TNKS: variants seen among roughly 807,000 people sequenced by gnomAD.
TNKS encodes tankyrase, also known as poly [ADP-ribose] polymerase tankyrase-1.
In TNKS, 72 loss-of-function variants were observed where a neutral mutation model predicts 135.8. That is an observed-to-expected ratio of 0.53 (90% CI 0.44 to 0.64). TNKS has a LOEUF of 0.64. Ranked by LOEUF, TNKS falls within the 30% of genes least tolerant of loss-of-function variation. The pLI is 0.00. For synonymous variants in TNKS, 849 were observed against 649.3 expected, an observed-to-expected ratio of 1.31 and a Z score of -4.68; for missense variants, 1,769 against 1,674.0, an observed-to-expected ratio of 1.06 and a Z score of -0.99.
intron 3 of TNKS, among the ~76,000 whole-genome samples, chr8:9,659,192 CA>C (rs1325569719): frequency 6.6e-6 from 1 of 152,166 alleles, no homozygotes; most frequent in Non-Finnish European, 1.5e-5. Context: ...AGAAAGTTAA[CA>C]AAGATATCCA....
In TNKS at chr8:9,759,770, C is replaced by T. The variant is rs551412406; in HGVS notation, c.3154-1746C>T. Reference sequence around the variant, plus strand: ...CGGGCAGATCACGAGGTCAGGAGATCGAGACCATCCTGGCTAACACGGTGA... The same window carrying T: ...CGGGCAGATCACGAGGTCAGGAGATTGAGACCATCCTGGCTAACACGGTGA... On this transcript the variant is annotated intron_variant, in intron 20 of 26. Coordinates refer to ENST00000310430, the MANE Select transcript of TNKS (RefSeq NM_003747.3). Among the ~76,000 whole-genome samples the T allele has an allele frequency of 1.0e-3, 155 of 151,898 alleles. 1 individual carries two copies. The highest frequency in any genetic ancestry group is 2.8e-3 in the African/African-American group (115 of 41,440).
intron 3 of TNKS, among the ~76,000 whole-genome samples, chr8:9,629,441 A>C (rs757980718): frequency 6.6e-6 from 1 of 152,170 alleles, no homozygotes; most frequent in Non-Finnish European, 1.5e-5. Flanking sequence ...AAATCTTTTC[A>C]CTTGGAAAAA....
intron 1 of TNKS, among the ~76,000 whole-genome samples, chr8:9,560,988 G>A (rs1307172267): frequency 1.3e-5 from 2 of 152,100 alleles, no homozygotes; most frequent in Non-Finnish European, 2.9e-5. Context: ...AAGATGATAT[G>A]TAAATTTATT....
chr8:9,586,722 C>CGTGTGTGTGTGTGTGTGTGAGT (rs1798391889), intron 2 of TNKS, among the ~76,000 whole-genome samples: 2 of 143,298 alleles, frequency 1.4e-5, no homozygotes, highest in African/African-American at 5.1e-5. Flanking sequence ...ATATCTAAAA[C>CGTGTGTGTGTGTGTGTGTGAGT]GTGTGTGTGT....
chr8:9,627,079 G>A (rs1800085287), intron 3 of TNKS, among the ~76,000 whole-genome samples: 1 of 152,134 alleles, frequency 6.6e-6, no homozygotes, highest in Non-Finnish European at 1.5e-5. Context: ...CCAGTGGCCA[G>A]TAGTTTAATC....
At chr8:9,579,951 C>T (rs554114738) in intron 1 of TNKS, among the ~76,000 whole-genome samples, 2 of 152,192 alleles carry the variant, frequency 1.3e-5, no homozygotes, top group South Asian at 2.1e-4. Context: ...GAATGAACAG[C>T]CCAAAGACTA....
At chr8:9,689,976 G>A (rs1309279434) in intron 5 of TNKS, among the ~76,000 whole-genome samples, 1 of 152,172 alleles carries the variant, frequency 6.6e-6, no homozygotes, top group African/African-American at 2.4e-5. Flanking sequence ...GAAAATATTA[G>A]TTACAAAAAG....
At position 9,776,673 on chromosome 8, in the gene TNKS, T is replaced by C; in HGVS notation, c.3921T>C (p.Thr1307=). ...AGGCATACCCAGAGTATCTTATCAC[T>C]TACCAGATCATGAAGCCAGAAGCCC... ...GEQAYPEYLI[T]YQIMKPEAPS... is the part of the protein sequence containing the mutation. The change falls in exon 27 of 27, where the codon ACT becomes ACC. Residue 1307 remains threonine (T), a synonymous_variant. Transcript: ENST00000310430. 6.2e-7 allele frequency: 1 copy of C among 1,614,004 alleles called. No homozygotes were observed. The highest frequency in any genetic ancestry group is 1.1e-5 in the South Asian group (1 of 91,076).
Position 9,580,533 on chromosome 8 carries a change from A to T in TNKS, c.898+150A>T, listed in dbSNP as rs575667979. The T allele has an allele frequency of 8.2e-5, 59 of 718,586 alleles. 1 individual carries two copies. Among genetic ancestry groups the T allele is most frequent in the Middle Eastern group, 7.7e-4 (2 of 2,584 alleles). 44.5% of individuals were successfully genotyped at this position (718,586 alleles called of 1,614,324 possible). ...TTTCCATCAAAAGGTAAACAGAGAGATGGTAATCTAAAGTTACTTAGGGGA... is the reference window on the plus strand; with the variant it reads ...TTTCCATCAAAAGGTAAACAGAGAGTTGGTAATCTAAAGTTACTTAGGGGA... On this transcript the variant is annotated intron_variant, in intron 2 of 26. Coordinates refer to ENST00000310430, the MANE Select transcript of TNKS (RefSeq NM_003747.3).
intron 3 of TNKS, among the ~76,000 whole-genome samples, chr8:9,637,105 A>G (rs1800541773): frequency 6.6e-6 from 1 of 152,208 alleles, no homozygotes; most frequent in Admixed American, 6.5e-5. Context: ...GAAACTGCAT[A>G]ATTATCTCAA....
At chr8:9,687,744 C>A (rs1028683229) in intron 5 of TNKS, among the ~76,000 whole-genome samples, 1 of 152,294 alleles carries the variant, frequency 6.6e-6, no homozygotes, top group African/African-American at 2.4e-5. Flanking sequence ...GCACAAGTTT[C>A]CTGCTGTTTT....
intron 18 of TNKS, among the ~76,000 whole-genome samples, chr8:9,749,490 C>A (rs890826900): frequency 1.4e-5 from 2 of 146,584 alleles, no homozygotes; most frequent in Non-Finnish European, 3.0e-5. Flanking sequence ...TTTTTTCCCC[C>A]TTAAGACACA....
At chr8:9,773,514 T>C (rs1486617448) in intron 26 of TNKS, among the ~76,000 whole-genome samples, 1 of 152,156 alleles carries the variant, frequency 6.6e-6, no homozygotes, top group Non-Finnish European at 1.5e-5. Context: ...CTTTACCATA[T>C]GTTTTAAATA....
chr8:9,605,217 T>C (rs2128760795), intron 2 of TNKS, among the ~76,000 whole-genome samples: 1 of 152,204 alleles, frequency 6.6e-6, no homozygotes, highest in Middle Eastern at 3.4e-3. Flanking sequence ...CAATGATCTA[T>C]TTTCTGACAT....
At chr8:9,610,679 T>C (rs1207765287) in intron 2 of TNKS, among the ~76,000 whole-genome samples, 1 of 152,208 alleles carries the variant, frequency 6.6e-6, no homozygotes, top group African/African-American at 2.4e-5. Context: ...TATCTCTTTA[T>C]TCTTAAAGCA....
chr8:9,680,822 C>T, intron 5 of TNKS, 22 bp downstream of exon 5: 1 of 1,593,668 alleles, frequency 6.3e-7, no homozygotes, highest in Non-Finnish European at 8.6e-7. Flanking sequence ...TAAATACAAT[C>T]CTCTTTAATT....
chr8:9,726,771 C>A, intron 13 of TNKS, 51 bp downstream of exon 13: 1 of 1,421,332 alleles, frequency 7.0e-7, no homozygotes, highest in Non-Finnish European at 9.8e-7. Flanking sequence ...CTTTGCTAAC[C>A]AATTCATTTT....
At chr8:9,619,961 T>A (rs1179650940) in intron 3 of TNKS, among the ~76,000 whole-genome samples, 5 of 151,772 alleles carry the variant, frequency 3.3e-5, no homozygotes, top group Admixed American at 2.0e-4. Flanking sequence ...TATTTATTTT[T>A]TTTTTTTGCG....
Position 9,770,126 on chromosome 8 carries a change from T to C in TNKS, c.3761T>C (p.Val1254Ala). 4.3e-6 allele frequency: 7 copies of C among 1,612,952 alleles called. No individual in the cohort carries two copies. The highest frequency in any genetic ancestry group is 5.9e-6 in the Non-Finnish European group (7 of 1,179,764). Reference protein sequence around the residue: ...ICHRQMLFCRVTLGKSFLQFS... With the variant: ...ICHRQMLFCRATLGKSFLQFS... ...CTTAGACAAATGCTCTTCTGTAGAG[T>C]GACCCTTGGGAAATCCTTTCTGCAG... Residue 1254 changes from valine (V) to alanine (A), a missense_variant, in exon 26 of 27, where the codon GTG becomes GCG. By Grantham distance (64) the Val-to-Ala change is moderately conservative. This residue lies in a region of TNKS where 722 missense variants were observed against 688.9 expected (regional missense o/e 1.05). Coordinates refer to ENST00000310430, the MANE Select transcript of TNKS (RefSeq NM_003747.3).
Sources: gnomAD v4.1 joint callset for allele counts (sites outside exome capture counted in the v4.1 genomes callset) on GRCh38, gnomAD v4.1.1 for gene constraint, gnomAD v4.1.1 regional missense constraint, MANE v1.5 for transcripts, NCBI Gene and HGNC (gene_info 2026-07-23, HGNC 2026-07-21) for gene names.